Variants in LILRB4 observed in about 807,000 individuals in gnomAD.
LILRB4 encodes leukocyte immunoglobulin-like receptor subfamily B member 4.
In LILRB4, 49 loss-of-function variants were observed where a neutral mutation model predicts 55.2. That is an observed-to-expected ratio of 0.89 (90% CI 0.71 to 1.13). LILRB4 has a LOEUF of 1.13. LILRB4 is among the 50% of genes most tolerant of loss of function. The pLI, the probability that LILRB4 is intolerant of heterozygous loss-of-function variation, is 0.00. For missense variants in LILRB4, 590 were observed against 555.2 expected, an observed-to-expected ratio of 1.06 and a Z score of -0.63; for synonymous variants, 229 against 213.8, an observed-to-expected ratio of 1.07 and a Z score of -0.62.
rs148981709 is a variant in LILRB4, at chr19:54,667,170, G to A, written c.1041+421G>A. 3,029 of 562,828 alleles carry A rather than the reference G, an allele frequency of 5.4e-3. 35 individuals are homozygous for A. The highest frequency in any genetic ancestry group is 0.052 in the African/African-American group (2,773 of 53,734). 34.9% of individuals were successfully genotyped at this position (562,828 alleles called of 1,614,324 possible). Reference sequence around the variant, plus strand: ...CCGCCTCCTGAGCTCACCTCGTGGTGGGAGACAAAATGCAAATAAATGCAT... The same window carrying A: ...CCGCCTCCTGAGCTCACCTCGTGGTAGGAGACAAAATGCAAATAAATGCAT... On this transcript the variant is annotated intron_variant, in intron 10 of 11. Transcript: ENST00000430952.
chr19:54,664,173 C>T lies in LILRB4; in HGVS notation c.356-13C>T, dbSNP rs562028215. The T allele has an allele frequency of 6.8e-6, 11 of 1,606,808 alleles. No individual in the cohort carries two copies. In the South Asian group the frequency reaches 1.2e-4, roughly 18 times the overall value. On this transcript the variant is annotated splice_polypyrimidine_tract_variant and intron_variant, in intron 3 of 11. Coordinates refer to ENST00000430952, the Ensembl canonical transcript of LILRB4. ...GGGAGCCCCATTTAACACGGTGCCT[C>T]CTTCTCTCCTAGGAGCCTACAGTAA...
chr19:54,666,053 A>G lies in LILRB4; in HGVS notation c.874+122A>G. 7.2e-7 allele frequency: 1 copy of G among 1,388,842 alleles called. No homozygotes were observed. Among genetic ancestry groups the G allele is most frequent in the Non-Finnish European group, 9.9e-7 (1 of 1,010,008 alleles). 86.0% of individuals were successfully genotyped at this position (1,388,842 alleles called of 1,614,324 possible). On this transcript the variant is annotated intron_variant, in intron 7 of 11. Coordinates refer to ENST00000430952, the Ensembl canonical transcript of LILRB4. This position sits in a 1 kb window ranked among gnomAD's most constrained non-coding sequence, Gnocchi z 4.8. ...TGCTCCAGAAATTCCCAGTGAGAAA[A>G]TCTAGAAAGAAGAAAATGAATGAGG...
chr19:54,666,947 C>T lies in LILRB4; in HGVS notation c.1041+198C>T, dbSNP rs1030278188. The T allele has an allele frequency of 8.2e-6, 6 of 727,684 alleles. No homozygotes were observed. Among genetic ancestry groups the T allele is most frequent in the East Asian group, 5.3e-5 (2 of 37,714 alleles). The allele number at this position is 727,684 out of a possible 1,614,324, so 45.1% of individuals were successfully genotyped here. The stretch of plus-strand genomic sequence containing the variant: ...ACCTCATGGGCCTCCTCCCGGGTCC[C>T]CTTCCTGCTCCTCATCCTCTGTTTG... On this transcript the variant is annotated intron_variant, in intron 10 of 11. Transcript: ENST00000430952. This position sits in a 1 kb window ranked among gnomAD's most constrained non-coding sequence, Gnocchi z 4.8.
intron 4 of LILRB4, 117 bp from the exon 5 acceptor site, chr19:54,664,682 G>A: frequency 1.9e-6 from 2 of 1,031,174 alleles, no homozygotes; most frequent in Non-Finnish European, 2.8e-6. Context: ...AAGGTGCCAG[G>A]TGGACAGAGA....
chr19:54,664,872 C>T, intron 5 of LILRB4, 23 bp downstream of exon 5: 3 of 1,608,280 alleles, frequency 1.9e-6, no homozygotes, highest in Non-Finnish European at 2.6e-6. Flanking sequence ...GGCCTCTGTC[C>T]AGAGAGTTTC....
Position 54,665,788 on chromosome 19 carries a change from C to G in LILRB4, c.758-27C>G. On this transcript the variant is annotated intron_variant, in intron 6 of 11. Coordinates refer to ENST00000430952, the Ensembl canonical transcript of LILRB4. The surrounding 1 kb of genome is among the most constrained non-coding windows in gnomAD (Gnocchi z 5.5). ...AGGTGTGCACATCAATGACATCATC[C>G]CCATTCCTGATGTCATCACGCCCAA... The G allele has an allele frequency of 6.3e-7, 1 of 1,576,260 alleles. No individual in the cohort carries two copies. Among genetic ancestry groups the G allele is most frequent in the Non-Finnish European group, 8.6e-7 (1 of 1,161,072 alleles).
chr19:54,664,999 G>A (rs1292509017), intron 5 of LILRB4, 131 bp from the exon 6 acceptor site: 4 of 1,378,282 alleles, frequency 2.9e-6, no homozygotes, highest in Admixed American at 3.7e-5. Context: ...AGGCACCACA[G>A]GCTCCCAAGG....
Position 54,663,548 on chromosome 19 carries a change from CA to C in LILRB4, c.52del (p.Arg18GlyfsTer21), listed in dbSNP as rs780456431. 52 of 1,613,496 alleles carry C rather than the reference CA, an allele frequency of 3.2e-5. No individual in the cohort carries two copies. The East Asian group carries it at 1.2e-3, about 36-fold the overall frequency. ...CTCTTCCAGGGCTGAGTCTGGGCCC[CA>C]GGACCCACATGCAGGCAGGTGAGTC... On this transcript the variant is annotated frameshift_variant, in exon 2 of 12. Coordinates refer to ENST00000430952, the Ensembl canonical transcript of LILRB4. LOFTEE classifies it high-confidence loss of function.
chr19:54,664,015 A>C (rs1225377178), exon 3 of LILRB4: 1 of 1,613,716 alleles, frequency 6.2e-7, no homozygotes, highest in Non-Finnish European at 8.5e-7. Context: ...CAGCCCAGTG[A>C]CCCCCTGGAG....
Position 54,666,496 on chromosome 19 carries a change from A to G in LILRB4, c.988+60A>G. 6 of 1,584,364 alleles carry G rather than the reference A, an allele frequency of 3.8e-6. No individual in the cohort carries two copies. The highest frequency in any genetic ancestry group is 1.7e-5 in the Admixed American group (1 of 59,330). ...GAGCTGGGGGTCCCAAAATTTCAAT[A>G]GCAATGGGGGCAGGAGCACAGGCTA... On this transcript the variant is annotated intron_variant, in intron 9 of 11. Coordinates refer to ENST00000430952, the Ensembl canonical transcript of LILRB4. The surrounding 1 kb of genome is among the most constrained non-coding windows in gnomAD (Gnocchi z 4.8).
rs376332367 is a variant in LILRB4 at position 54,665,982 on chromosome 19, C to T, written c.874+51C>T. ...GGGCTGATGGAGGGTGGGCTCAGGG[C>T]ACCAGCCAAAGGGACTCCAGATAGG... On this transcript the variant is annotated intron_variant, in intron 7 of 11. Coordinates refer to ENST00000430952, the Ensembl canonical transcript of LILRB4. The surrounding 1 kb of genome is among the most constrained non-coding windows in gnomAD (Gnocchi z 5.5). The T allele has an allele frequency of 1.6e-5, 26 of 1,610,596 alleles. No individual in the cohort carries two copies. In the African/African-American group the frequency reaches 3.5e-4, roughly 22 times the overall value.
intron 5 of LILRB4, 95 bp downstream of exon 5, chr19:54,664,944 G>A: frequency 7.1e-7 from 1 of 1,410,938 alleles, no homozygotes. Context: ...CCAATTCTCA[G>A]CTGGGCTTGC....
Position 54,666,783 on chromosome 19 carries a change from C to G in LILRB4, c.1041+34C>G. 1 of 1,582,076 alleles carries G rather than the reference C, an allele frequency of 6.3e-7. No homozygotes were observed. Among genetic ancestry groups the G allele is most frequent in the African/African-American group, 1.3e-5 (1 of 74,430 alleles). ...CCGCCCCTGTCCCCGGCACCAAAGG[C>G]CTCCTGGTGCCAGATCTAATCCTGC... On this transcript the variant is annotated intron_variant, in intron 10 of 11. Transcript: ENST00000430952. This position sits in a 1 kb window ranked among gnomAD's most constrained non-coding sequence, Gnocchi z 4.8.
rs750521109 is a variant in LILRB4 at position 54,666,723 on chromosome 19, G to A, written c.1015G>A (p.Glu339Lys). ...TGCTGCCGTGAAGAACACACAGCCT[G>A]AGGACGGGGTGGAAATGGACACTCG... Residue 339 changes from glutamate to lysine, a missense_variant, in exon 10 of 12, where the codon GAG becomes AAG. Transcript: ENST00000430952. This position sits in a 1 kb window ranked among gnomAD's most constrained non-coding sequence, Gnocchi z 4.8. The A allele has an allele frequency of 5.0e-6, 8 of 1,614,060 alleles. No homozygotes were observed. Among genetic ancestry groups the A allele is most frequent in the South Asian group, 3.3e-5 (3 of 91,084 alleles).
At chr19:54,668,144 T>C in exon 12 of LILRB4, 2 of 1,120,166 alleles carry the variant, frequency 1.8e-6, no homozygotes, top group South Asian at 3.0e-5. Flanking sequence ...CACTAGAAGA[T>C]TCCGGGAACG....
exon 3 of LILRB4, chr19:54,663,762 C>T (rs1471498408): frequency 3.1e-6 from 5 of 1,614,036 alleles, no homozygotes; most frequent in Non-Finnish European, 4.2e-6. Flanking sequence ...AGGGCCCCTC[C>T]CCAAACCCAC....
At chr19:54,667,984 G>A (rs1020894958) in exon 12 of LILRB4, 2 of 1,614,004 alleles carry the variant, frequency 1.2e-6, no homozygotes, top group African/African-American at 2.7e-5. Context: ...CTCTCCAGCT[G>A]AGCCCAGTGT....
At chr19:54,663,007 C>T in exon 1 of LILRB4, 2 of 1,614,100 alleles carry the variant, frequency 1.2e-6, no homozygotes, top group Non-Finnish European at 1.7e-6. Flanking sequence ...TCCATCTGCA[C>T]AGCTGGGGCC....
rs1417665339 is a variant in LILRB4 at position 54,665,236 on chromosome 19, G to A, written c.757+56G>A. On this transcript the variant is annotated intron_variant, in intron 6 of 11. Coordinates refer to ENST00000430952, the Ensembl canonical transcript of LILRB4. The surrounding 1 kb of genome is among the most constrained non-coding windows in gnomAD (Gnocchi z 5.5). Reference sequence around the variant, plus strand: ...CAGGGTCTAGGGGAGCCAAGGGTGGGTTCTGTCCTAGGTTAAGGCTCCTCT... The same window carrying A: ...CAGGGTCTAGGGGAGCCAAGGGTGGATTCTGTCCTAGGTTAAGGCTCCTCT... The A allele has an allele frequency of 1.1e-5, 17 of 1,532,854 alleles. No homozygotes were observed. Among genetic ancestry groups the A allele is most frequent in the African/African-American group, 2.7e-5 (2 of 73,250 alleles). The allele number at this position is 1,532,854 out of a possible 1,614,324, so 95.0% of individuals were successfully genotyped here.
Sources: allele counts gnomAD v4.1 joint callset, GRCh38; gene constraint gnomAD v4.1.1; non-coding constraint Gnocchi (gnomAD v3.1); transcripts MANE v1.5; gene names NCBI Gene and HGNC (gene_info 2026-07-23, HGNC 2026-07-21).